The following ZACN variants were observed in gnomAD, a reference collection of about 807,000 sequenced individuals.
The protein encoded by ZACN is zinc activated ion channel.
ZACN carries 52 observed loss-of-function variants against 38.9 expected under a neutral mutation model. That is an observed-to-expected ratio of 1.34 (90% CI 1.07 to 1.68). The LOEUF is 1.68. ZACN is among the 40% of genes most tolerant of loss of function. ZACN has a pLI of 0.00. For missense variants in ZACN, 559 were observed against 525.6 expected (o/e 1.06, Z -0.62); for synonymous variants, 235 against 227.4 (o/e 1.03, Z -0.30).
Position 76,080,052 on chromosome 17 carries a change from A to G in ZACN, c.374+58A>G, listed in dbSNP as rs1257410782. 7 of 1,477,704 alleles carry G rather than the reference A, an allele frequency of 4.7e-6. No individual in the cohort carries two copies. The East Asian group carries it at 1.7e-4, about 37-fold the overall frequency. 91.5% of individuals were successfully genotyped at this position (1,477,704 alleles called of 1,614,324 possible). ...CCATGCATAGCCCTCCTTTTCCCCC[A>G]TCTACAACCTAGAGGCTGTCTGAGT... is the stretch of plus-strand genomic sequence containing the variant. On this transcript the variant is annotated intron_variant, in intron 4 of 8. Coordinates refer to ENST00000334586, the MANE Select transcript of ZACN (RefSeq NM_180990.4).
intron 5 of ZACN, 107 bp from the exon 6 acceptor site, chr17:76,081,171 A>G (rs2066952812): frequency 1.3e-6 from 2 of 1,499,048 alleles, no homozygotes; most frequent in East Asian, 4.5e-5. Flanking sequence ...GTCCCTGCCA[A>G]AAGCCATCAA....
chr17:76,080,019 G>A lies in ZACN; in HGVS notation c.374+25G>A, dbSNP rs1375334591. ...CGTAAGTGAGACAGTTCCTGCCCCA[G>A]GAATCTGCCATGCATAGCCCTCCTT... On this transcript the variant is annotated intron_variant, in intron 4 of 8. Transcript: ENST00000334586. 7.7e-6 allele frequency: 12 copies of A among 1,551,250 alleles called. No homozygotes were observed. The Admixed American group carries it at 2.1e-4, about 27-fold the overall frequency.
In ZACN at chr17:76,079,995, G is replaced by GT. The variant is rs2066924161; in HGVS notation, c.374+2dup. Reference sequence around the variant, plus strand: ...CACCAAGGCTCACCATCCTGGAGGCGTAAGTGAGACAGTTCCTGCCCCAGG... The same window carrying GT: ...CACCAAGGCTCACCATCCTGGAGGCGTTAAGTGAGACAGTTCCTGCCCCAGG... On this transcript the variant is annotated splice_donor_variant, in intron 4 of 8. Transcript: ENST00000334586. LOFTEE classifies it high-confidence loss of function. The GT allele has an allele frequency of 6.4e-7, 1 of 1,571,892 alleles. No homozygotes were observed. Among genetic ancestry groups the GT allele is most frequent in the South Asian group, 1.2e-5 (1 of 85,622 alleles).
rs372564433 is a variant in ZACN, at chr17:76,080,408, C to T, written c.528C>T (p.Tyr176=). 4.3e-5 allele frequency: 69 copies of T among 1,613,806 alleles called. No homozygotes were observed. The highest frequency in any genetic ancestry group is 5.3e-5 in the African/African-American group (4 of 74,932). The change falls in exon 5 of 9, where the codon TAC becomes TAT. Residue 176 remains tyrosine, a synonymous_variant. Transcript: ENST00000334586. ...RDHSNCSLSF[Y]ALSNTAMELE... The stretch of plus-strand genomic sequence containing the variant: ...ACAGCAACTGCAGCCTCAGCTTCTA[C>T]GCTCTCAGCAACACGGGTGCTGACA...
intron 8 of ZACN, 95 bp downstream of exon 8, chr17:76,082,144 G>A: frequency 1.4e-6 from 2 of 1,402,142 alleles, no homozygotes; most frequent in Non-Finnish European, 9.6e-7. Context: ...GAGGCCCCTT[G>A]CATCCACCCT....
In ZACN at chr17:76,081,716, C is replaced by T. The variant is rs1043149; in HGVS notation, c.841C>T (p.Gln281Ter). Residue 281 changes from glutamine to a stop codon, truncating the protein, a stop_gained, in exon 7 of 9, where the codon CAG becomes TAG. Coordinates refer to ENST00000334586, the MANE Select transcript of ZACN (RefSeq NM_180990.4). LOFTEE classifies it high-confidence loss of function. ...SYLVLHSSLV[Q>*]ALPSSSSCNP... ...CCTCGTCCTCCACTCCTCCCTGGTG[C>T]AGGCCCTGCCCAGCTCCTCCTCCTG... The T allele has an allele frequency of 0.17, 281,077 of 1,613,942 alleles. 26,998 individuals are homozygous for T. Among genetic ancestry groups the T allele is most frequent in the Admixed American group, 0.37 (22,412 of 60,004 alleles).
Position 76,081,639 on chromosome 17 carries a change from C to T in ZACN, c.764C>T (p.Pro255Leu), listed in dbSNP as rs1352370687. Residue 255 changes from proline to leucine, a missense_variant, in exon 7 of 9, where the codon CCC becomes CTC. Physicochemically the swap from Pro to Leu is moderately conservative, Grantham distance 98. Coordinates refer to ENST00000334586, the MANE Select transcript of ZACN (RefSeq NM_180990.4). ...GCTGACGTGTGCGGGGGGTTGCTGCCCCTCCGGGCCATTGAGCGCATAGGC... is the reference window on the plus strand; with the variant it reads ...GCTGACGTGTGCGGGGGGTTGCTGCTCCTCCGGGCCATTGAGCGCATAGGC... ...LLADVCGGLLPLRAIERIGYK... is the reference protein window; with the variant it reads ...LLADVCGGLLLLRAIERIGYK... 12 of 1,613,986 alleles carry T rather than the reference C, an allele frequency of 7.4e-6. No individual in the cohort carries two copies. Among genetic ancestry groups the T allele is most frequent in the African/African-American group, 1.3e-5 (1 of 74,942 alleles).
At position 76,080,318 on chromosome 17, in the gene ZACN, G is replaced by A. The variant is rs751964565; in HGVS notation, c.438G>A (p.Lys146=). 2.5e-6 allele frequency: 4 copies of A among 1,613,778 alleles called. No individual in the cohort carries two copies. Among genetic ancestry groups the A allele is most frequent in the Non-Finnish European group, 3.4e-6 (4 of 1,179,894 alleles). Residue 146 remains lysine, a synonymous_variant, in exon 5 of 9, where the codon AAG becomes AAA. Transcript: ENST00000334586. The part of the protein sequence containing the change: ...QARVDQDGHV[K]LNLALATETN... ...GAGTAGACCAGGACGGCCACGTGAA[G>A]CTCAACCTGGCCCTCGCCACGGAGA...
chr17:76,080,567 G>A (rs976820666), intron 5 of ZACN, 143 bp downstream of exon 5: 1 of 1,179,288 alleles, frequency 8.5e-7, no homozygotes, highest in African/African-American at 1.5e-5. Context: ...CCAGGTCTGT[G>A]TTCAGAGCAG....
At chr17:76,082,187 C>A in intron 8 of ZACN, 138 bp downstream of exon 8, 1 of 1,116,584 alleles carries the variant, frequency 9.0e-7, no homozygotes, top group Non-Finnish European at 1.3e-6. Context: ...TCCACCATGT[C>A]CTCCTCCCTT....
rs976104701 is a variant in ZACN, at chr17:76,081,505, T to C, written c.670-40T>C. On this transcript the variant is annotated intron_variant, in intron 6 of 8. Transcript: ENST00000334586. ...CCCCATGCCCCCGATGCCCACCTCCTTCCCCCCCGCCGGGAAGGCCCTGAC... is the reference window on the plus strand; with the variant it reads ...CCCCATGCCCCCGATGCCCACCTCCCTCCCCCCCGCCGGGAAGGCCCTGAC... 4 of 1,610,788 alleles carry C rather than the reference T, an allele frequency of 2.5e-6. No homozygotes were observed. In the South Asian group the frequency reaches 3.3e-5, roughly 13 times the overall value.
chr17:76,081,797 G>GT (rs2066990515), intron 7 of ZACN, 42 bp downstream of exon 7: 1 of 1,612,988 alleles, frequency 6.2e-7, no homozygotes. Flanking sequence ...GTTTCTCCCC[G>GT]GTCACCCACT....
rs1258286798 is a variant in ZACN, at chr17:76,079,549, A to C, written c.208A>C (p.Asn70His). 1 of 1,614,174 alleles carries C rather than the reference A, an allele frequency of 6.2e-7. No individual in the cohort carries two copies. The highest frequency in any genetic ancestry group is 1.7e-5 in the Admixed American group (1 of 60,026). Reference protein sequence around the residue: ...LLVDVRVFVSNVFNVDILRYT... With the variant: ...LLVDVRVFVSHVFNVDILRYT... The stretch of plus-strand genomic sequence containing the variant: ...CGTGGATGTGCGGGTGTTTGTCTCC[A>C]ACGTGTTTAATGTGGTAAGTGCCTC... The change falls in exon 2 of 9, where the codon AAC becomes CAC. Residue 70 changes from asparagine (N) to histidine (H), a missense_variant. Asn to His is a moderately conservative substitution (Grantham distance 68). Coordinates refer to ENST00000334586, the MANE Select transcript of ZACN (RefSeq NM_180990.4).
Position 76,082,697 on chromosome 17 carries a change from TC to T in ZACN, c.*47del, listed in dbSNP as rs1431958887. The stretch of plus-strand genomic sequence containing the variant: ...GCACACCTTAGGATGAAGTTTGCTT[TC>T]CCATGGCTGGGGGCGGGCCATGACA... On this transcript the variant is annotated 3_prime_UTR_variant, in exon 9 of 9. Transcript: ENST00000334586. 3 of 1,542,156 alleles carry T rather than the reference TC, an allele frequency of 1.9e-6. No individual in the cohort carries two copies. The highest frequency in any genetic ancestry group is 4.0e-5 in the Admixed American group (2 of 49,758).
At chr17:76,081,796 C>G in intron 7 of ZACN, 41 bp downstream of exon 7, 1 of 1,613,220 alleles carries the variant, frequency 6.2e-7, no homozygotes, top group South Asian at 1.1e-5. Context: ...TGTTTCTCCC[C>G]GGTCACCCAC....
rs1296696866 is a variant in ZACN, at chr17:76,081,984, G to T, written c.983G>T (p.Gly328Val). Reference protein sequence around the residue: ...LARGNLGAKSGPSPAPRGEQR... With the variant: ...LARGNLGAKSVPSPAPRGEQR... ...CGGGGCAACCTTGGGGCCAAGAGCG[G>T]CCCCAGCCCAGCCCCGAGAGGGGAA... is the stretch of plus-strand genomic sequence containing the variant. Residue 328 changes from glycine (G) to valine (V), a missense_variant, in exon 8 of 9, where the codon GGC (glycine) becomes GTC (valine). Coordinates refer to ENST00000334586, the MANE Select transcript of ZACN (RefSeq NM_180990.4). 6.2e-6 allele frequency: 10 copies of T among 1,612,110 alleles called. No individual in the cohort carries two copies. The highest frequency in any genetic ancestry group is 6.8e-6 in the Non-Finnish European group (8 of 1,179,646).
rs2066962782 is a variant in ZACN, at chr17:76,081,341, T to C, written c.608T>C (p.Val203Ala). ...NEIVSVKREYVVYDLKTQVPP... is the reference protein window; with the variant it reads ...NEIVSVKREYAVYDLKTQVPP... ...ATTGTGAGTGTCAAGAGGGAATACGTAGTTTATGATCTGAAGACCCAAGTC... is the reference window on the plus strand; with the variant it reads ...ATTGTGAGTGTCAAGAGGGAATACGCAGTTTATGATCTGAAGACCCAAGTC... The change falls in exon 6 of 9, where the codon GTA becomes GCA. Residue 203 changes from valine (V) to alanine (A), a missense_variant. Physicochemically the swap from Val to Ala is moderately conservative, Grantham distance 64. Coordinates refer to ENST00000334586, the MANE Select transcript of ZACN (RefSeq NM_180990.4). The C allele has an allele frequency of 6.2e-7, 1 of 1,613,962 alleles. No individual in the cohort carries two copies. The highest frequency in any genetic ancestry group is 1.1e-5 in the South Asian group (1 of 91,088).
intron 5 of ZACN, chr17:76,080,631 G>A (rs754842816): frequency 8.1e-6 from 6 of 736,630 alleles, no homozygotes; most frequent in Middle Eastern, 2.3e-4. Context: ...CCCCCCACTC[G>A]AGTGGCAGCC....
chr17:76,080,037 C>A (rs561686196), intron 4 of ZACN, 43 bp downstream of exon 4: 2 of 1,498,944 alleles, frequency 1.3e-6, no homozygotes, highest in Non-Finnish European at 1.8e-6. Context: ...CCATGCATAG[C>A]CCTCCTTTTC....
Sources: gnomAD v4.1 joint callset for allele counts on GRCh38, gnomAD v4.1.1 for gene constraint, MANE v1.5 for transcripts, NCBI Gene and HGNC (gene_info 2026-07-23, HGNC 2026-07-21) for gene names.